The following GPC6 variants were observed in gnomAD, a reference collection of about 807,000 sequenced individuals.
GPC6 encodes the protein glypican-6.
In GPC6, 14 loss-of-function variants were observed where a neutral mutation model predicts 55.2. The observed-to-expected ratio is 0.25, with a 90% CI of 0.17 to 0.40. The LOEUF is 0.40. Among genes scored for constraint, GPC6 ranks in the 10% least tolerant of loss-of-function variants. The probability of loss-of-function intolerance (pLI) is 1.00; values close to 1 mark genes in which losing one functional copy is unlikely to be tolerated. For missense variants in GPC6, 641 were observed against 708.5 expected (o/e 0.90, Z 1.08); for synonymous variants, 278 against 259.6 (o/e 1.07, Z -0.68).
intron 2 of GPC6, among the ~76,000 whole-genome samples, chr13:93,683,027 C>CAAAAAG (rs531461846): frequency 9.9e-5 from 15 of 151,320 alleles, no homozygotes; most frequent in Admixed American, 3.3e-4. Flanking sequence ...GAAAAGAAAA[C>CAAAAAG]AAAAAGAAAA....
At chr13:93,277,754 A>G (rs528304774) in intron 1 of GPC6, among the ~76,000 whole-genome samples, 18 of 152,198 alleles carry the variant, frequency 1.2e-4, no homozygotes, top group Non-Finnish European at 1.9e-4. Context: ...TCAATGTACT[A>G]TAAGTTTTCT....
chr13:94,215,789 A>G (rs1376155465), intron 4 of GPC6, among the ~76,000 whole-genome samples: 1 of 152,172 alleles, frequency 6.6e-6, no homozygotes, highest in Non-Finnish European at 1.5e-5. Flanking sequence ...TTATTTTTAT[A>G]TTACATTTTG....
chr13:93,341,837 T>TC (rs1880266500), intron 1 of GPC6, among the ~76,000 whole-genome samples: 1 of 152,002 alleles, frequency 6.6e-6, no homozygotes, highest in Non-Finnish European at 1.5e-5. Context: ...AAGATTTTTT[T>TC]CTGATGTTAT....
chr13:93,583,045 T>C (rs78591182), intron 2 of GPC6, among the ~76,000 whole-genome samples: 88 of 152,282 alleles, frequency 5.8e-4, no homozygotes, highest in African/African-American at 1.9e-3. Flanking sequence ...CCTTAACAGG[T>C]GATTTACTTT....
intron 4 of GPC6, among the ~76,000 whole-genome samples, chr13:94,278,461 T>C (rs568780626): frequency 6.6e-6 from 1 of 152,328 alleles, no homozygotes; most frequent in East Asian, 1.9e-4. Flanking sequence ...GGCCAGAGCT[T>C]CTGATACTAT....
intron 2 of GPC6, among the ~76,000 whole-genome samples, chr13:93,630,153 A>G (rs1301953869): frequency 6.6e-6 from 1 of 152,234 alleles, no homozygotes; most frequent in Non-Finnish European, 1.5e-5. Flanking sequence ...CCATTAGCCT[A>G]ATTGACTGTG....
intron 2 of GPC6, among the ~76,000 whole-genome samples, chr13:93,657,825 A>G (rs1880748326): frequency 6.6e-6 from 1 of 152,220 alleles, no homozygotes; most frequent in Non-Finnish European, 1.5e-5. Context: ...AAGAAGACAT[A>G]CACACAACCA....
intron 4 of GPC6, among the ~76,000 whole-genome samples, chr13:94,122,185 T>C (rs1054206435): frequency 2.0e-5 from 3 of 151,830 alleles, no homozygotes; most frequent in African/African-American, 7.3e-5. Flanking sequence ...AAAGCCACAA[T>C]TTTTTTTAAA....
chr13:94,263,552 A>C (rs1421587531), intron 4 of GPC6, among the ~76,000 whole-genome samples: 1 of 152,210 alleles, frequency 6.6e-6, no homozygotes, highest in Admixed American at 6.5e-5. Context: ...ATAAAAGCAG[A>C]GAAAATGGCT....
intron 1 of GPC6, among the ~76,000 whole-genome samples, chr13:93,258,935 G>C (rs1397332774): frequency 6.6e-6 from 1 of 152,144 alleles, no homozygotes; most frequent in African/African-American, 2.4e-5. Context: ...AGGTGACAGA[G>C]TGAGACACTG....
intron 2 of GPC6, among the ~76,000 whole-genome samples, chr13:93,603,114 A>G (rs1488354816): frequency 2.0e-5 from 3 of 151,970 alleles, no homozygotes; most frequent in African/African-American, 7.2e-5. Flanking sequence ...GGCTCAAGCA[A>G]TCTTCCCACA....
intron 4 of GPC6, among the ~76,000 whole-genome samples, chr13:94,140,779 C>CAG (rs1593978037): frequency 6.6e-6 from 1 of 152,018 alleles, no homozygotes; most frequent in East Asian, 1.9e-4. Context: ...TTGAGGCTAC[C>CAG]AGGAGCAACT....
In GPC6 at chr13:93,613,530, A is replaced by AACACACAC. The variant is rs10573990; in HGVS notation, c.319+68135_319+68142dup. Among the ~76,000 whole-genome samples, 221 of 139,996 alleles carry AACACACAC rather than the reference A, an allele frequency of 1.6e-3. No individual in the cohort carries two copies. The East Asian group carries it at 0.017, about 11-fold the overall frequency. 91.8% of individuals were successfully genotyped at this position (139,996 alleles called of 152,430 possible). A position where few individuals can be genotyped will look rare whatever the true frequency, so the allele number is the denominator to read the frequency against. On this transcript the variant is annotated intron_variant, in intron 2 of 8. Coordinates refer to ENST00000377047, the MANE Select transcript of GPC6 (RefSeq NM_005708.5). ...AGCAAACACACACACACACACACAA[A>AACACACAC]ACACACACACACACACACACACACA... is the stretch of plus-strand genomic sequence containing the variant.
intron 2 of GPC6, among the ~76,000 whole-genome samples, chr13:93,622,378 A>G (rs1284217215): frequency 6.6e-6 from 1 of 152,112 alleles, no homozygotes; most frequent in Non-Finnish European, 1.5e-5. Flanking sequence ...CATTGTGTAT[A>G]CATGCCACAT....
At chr13:94,238,170 G>A (rs1594086803) in intron 4 of GPC6, among the ~76,000 whole-genome samples, 1 of 152,218 alleles carries the variant, frequency 6.6e-6, no homozygotes, top group African/African-American at 2.4e-5. Flanking sequence ...ATTGGAGACG[G>A]CTTTTAGATG....
chr13:93,613,193 A>G (rs974644793), intron 2 of GPC6, among the ~76,000 whole-genome samples: 3 of 152,168 alleles, frequency 2.0e-5, no homozygotes, highest in Admixed American at 1.3e-4. Context: ...CTCTTCCTTT[A>G]CAACCAATGC....
At chr13:93,492,424 G>C (rs1260666507) in intron 1 of GPC6, among the ~76,000 whole-genome samples, 3 of 149,756 alleles carry the variant, frequency 2.0e-5, no homozygotes, top group Non-Finnish European at 4.4e-5. Context: ...ATTTTGGGCT[G>C]AGACGATGGG....
At chr13:93,312,424 G>A (rs142798791) in intron 1 of GPC6, among the ~76,000 whole-genome samples, 1 of 152,182 alleles carries the variant, frequency 6.6e-6, no homozygotes, top group African/African-American at 2.4e-5. Flanking sequence ...AATTATCTAA[G>A]CAAGAAAGCC....
At chr13:93,951,026 A>C (rs534611637) in intron 3 of GPC6, among the ~76,000 whole-genome samples, 1 of 152,216 alleles carries the variant, frequency 6.6e-6, no homozygotes, top group East Asian at 1.9e-4. Flanking sequence ...TTGTTTTTTC[A>C]ATCTGTAACA....
Sources: gnomAD v4.1 joint callset for allele counts (sites outside exome capture counted in the v4.1 genomes callset) on GRCh38, gnomAD v4.1.1 for gene constraint, MANE v1.5 for transcripts, NCBI Gene and HGNC (gene_info 2026-07-23, HGNC 2026-07-21) for gene names.